Variants in DAB1 observed in about 807,000 individuals in gnomAD.
DAB1 encodes disabled homolog 1.
A neutral mutation model predicts 64.6 loss-of-function variants in DAB1; 15 were observed. That is an observed-to-expected ratio of 0.23 (90% confidence interval 0.16 to 0.36). DAB1 has a LOEUF of 0.36. Ranked by LOEUF, DAB1 falls within the 10% of genes least tolerant of loss-of-function variation. The pLI, the probability that DAB1 is intolerant of heterozygous loss-of-function variation, is 1.00. For synonymous variants in DAB1, 235 were observed against 251.9 expected, an observed-to-expected ratio of 0.93 and a Z score of 0.64; for missense variants, 596 against 706.7, an observed-to-expected ratio of 0.84 and a Z score of 1.78.
intron 6 of DAB1, among the ~76,000 whole-genome samples, chr1:57,653,735 C>A (rs1364136319): frequency 6.6e-6 from 1 of 152,184 alleles, no homozygotes; most frequent in Non-Finnish European, 1.5e-5. Flanking sequence ...GCCTCAGCCT[C>A]CCCAGTAGCT....
chr1:57,828,227 G>A (rs568249300), intron 1 of DAB1, among the ~76,000 whole-genome samples: 17 of 152,110 alleles, frequency 1.1e-4, no homozygotes, highest in Non-Finnish European at 1.0e-4. Flanking sequence ...TTACAGGCGT[G>A]AGCCACCATG....
At chr1:57,534,685 G>A (rs1279224512) in intron 7 of DAB1, among the ~76,000 whole-genome samples, 1 of 152,108 alleles carries the variant, frequency 6.6e-6, no homozygotes, top group Non-Finnish European at 1.5e-5. Context: ...TCTCTGGCTT[G>A]GTAATCTGCC....
intron 5 of DAB1, among the ~76,000 whole-genome samples, chr1:58,138,499 A>G (rs1004499577): frequency 6.6e-6 from 1 of 152,162 alleles, no homozygotes. Context: ...AAAAGCACAC[A>G]AACAGGGAAG....
chr1:58,270,429 TGTA>T (rs1661287617), intron 4 of DAB1, among the ~76,000 whole-genome samples: 1 of 79,120 alleles, frequency 1.3e-5, no homozygotes, highest in Non-Finnish European at 2.3e-5. Flanking sequence ...ACTGTAGCCT[TGTA>T]GTATAGTTTG....
chr1:57,847,835 C>A (rs1473996428), intron 1 of DAB1, among the ~76,000 whole-genome samples: 1 of 152,074 alleles, frequency 6.6e-6, no homozygotes. Context: ...ATGTATATAT[C>A]TTTTAAAAAT....
At chr1:57,748,918 T>C (rs1343363830) in intron 6 of DAB1, among the ~76,000 whole-genome samples, 1 of 152,196 alleles carries the variant, frequency 6.6e-6, no homozygotes, top group Non-Finnish European at 1.5e-5. Flanking sequence ...AATCTTTTCA[T>C]GTGAAATTGT....
chr1:57,608,088 C>G lies in DAB1; in HGVS notation n.625+41504G>C, dbSNP rs1467187112. On this transcript the variant is annotated intron_variant and non_coding_transcript_variant, in intron 7 of 20. Coordinates refer to the DAB1 transcript ENST00000485760. Reference sequence around the variant, plus strand: ...AGGCATGCACATACCCAGAAAAAATCTCTATACTCTAGGCTACACCTCCCA... The same window carrying G: ...AGGCATGCACATACCCAGAAAAAATGTCTATACTCTAGGCTACACCTCCCA... 2.0e-5 allele frequency among the ~76,000 whole-genome samples: 3 copies of G among 152,142 alleles called. No individual in the cohort carries two copies. The East Asian group carries it at 5.8e-4, about 29-fold the overall frequency.
chr1:57,494,429 T>C (rs1558433500), intron 7 of DAB1, among the ~76,000 whole-genome samples: 2 of 152,262 alleles, frequency 1.3e-5, no homozygotes, highest in East Asian at 3.9e-4. Context: ...AGCTACATAA[T>C]CACATTAACG....
At chr1:57,963,825 G>A (rs751799749) in intron 5 of DAB1, among the ~76,000 whole-genome samples, 17 of 152,208 alleles carry the variant, frequency 1.1e-4, no homozygotes, top group African/African-American at 3.6e-4. Flanking sequence ...AATGAATGCC[G>A]CACACATTTG....
intron 7 of DAB1, among the ~76,000 whole-genome samples, chr1:57,512,744 T>G (rs1644419194): frequency 1.3e-5 from 2 of 152,234 alleles, no homozygotes; most frequent in African/African-American, 2.4e-5. Context: ...CTGGAAGCAT[T>G]GCCTGGACCC....
rs563604968 is a variant in DAB1 at position 58,376,338 on chromosome 1, A to G, written n.258-32935T>C. Among the ~76,000 whole-genome samples, 279 of 138,182 alleles carry G rather than the reference A, an allele frequency of 2.0e-3. 11 individuals carry two copies. The highest frequency in any genetic ancestry group is 3.8e-3 in the Middle Eastern group (1 of 262). The allele number at this position is 138,182 out of a possible 152,430, so 90.7% of individuals were successfully genotyped here. A position where few individuals can be genotyped will look rare whatever the true frequency, so the allele number is the denominator to read the frequency against. On this transcript the variant is annotated intron_variant and non_coding_transcript_variant, in intron 3 of 20. Coordinates refer to the DAB1 transcript ENST00000485760. The stretch of plus-strand genomic sequence containing the variant: ...TTTAGTGCTATAAATTTCCCTCTAC[A>G]CACTGCTTTGAATGTGTCCCAGAGA...
chr1:57,473,433 G>T (rs1687211542), intron 7 of DAB1, among the ~76,000 whole-genome samples: 1 of 152,160 alleles, frequency 6.6e-6, no homozygotes, highest in South Asian at 2.1e-4. Flanking sequence ...TCCAGTGCAA[G>T]CTCCAGAGAC....
intron 9 of DAB1, among the ~76,000 whole-genome samples, chr1:57,032,796 A>G (rs886486543): frequency 2.6e-5 from 4 of 152,224 alleles, no homozygotes; most frequent in African/African-American, 9.6e-5. Context: ...GAGTGGTAAT[A>G]TTCATTGGCT....
intron 2 of DAB1, among the ~76,000 whole-genome samples, chr1:57,263,456 T>TA (rs1670353695): frequency 6.6e-6 from 1 of 152,126 alleles, no homozygotes; most frequent in Admixed American, 6.5e-5. Flanking sequence ...TTGTGAAGAT[T>TA]AAGTGAAATG....
chr1:57,024,442 G>A (rs368114554), intron 10 of DAB1, among the ~76,000 whole-genome samples: 4 of 152,140 alleles, frequency 2.6e-5, no homozygotes, highest in East Asian at 1.9e-4. Flanking sequence ...AAATCTGTTC[G>A]ATGCTGTAAT....
intron 6 of DAB1, among the ~76,000 whole-genome samples, chr1:57,771,888 C>G (rs942006601): frequency 7.8e-4 from 118 of 152,196 alleles, no homozygotes; most frequent in African/African-American, 2.7e-3. Flanking sequence ...TTGCACTCAC[C>G]ATAGTAATTT....
Position 57,221,008 on chromosome 1 carries a change from C to T in DAB1, c.67+69956G>A, listed in dbSNP as rs556653954. ...ACTTGGAACCAACCCAAATGTCCAT[C>T]AGTGATAGACTGGATTAAGAAAATG... On this transcript the variant is annotated intron_variant, in intron 2 of 14. Coordinates refer to ENST00000371236, the MANE Select transcript of DAB1 (RefSeq NM_001365792.1). Among the ~76,000 whole-genome samples the T allele has an allele frequency of 3.3e-5, 5 of 152,302 alleles. No homozygotes were observed. The East Asian group carries it at 9.6e-4, about 29-fold the overall frequency.
At chr1:57,297,887 TC>T (rs1204270444) in intron 1 of DAB1, among the ~76,000 whole-genome samples, 1 of 152,094 alleles carries the variant, frequency 6.6e-6, no homozygotes, top group East Asian at 1.9e-4. Context: ...CCCCTGTAAC[TC>T]CCCAGACTGC....
At chr1:57,796,459 G>A (rs896787637) in intron 6 of DAB1, among the ~76,000 whole-genome samples, 1 of 151,994 alleles carries the variant, frequency 6.6e-6, no homozygotes, top group East Asian at 1.9e-4. Context: ...CCCGGGAGGT[G>A]GAGCTTCCAG....
Sources: gnomAD v4.1 joint callset for allele counts (sites outside exome capture counted in the v4.1 genomes callset) on GRCh38, gnomAD v4.1.1 for gene constraint, MANE v1.5 for transcripts, NCBI Gene and HGNC (gene_info 2026-07-23, HGNC 2026-07-21) for gene names.